Variants in MYOM2 observed in about 807,000 individuals in gnomAD.
The protein encoded by MYOM2 is myomesin-2.
Under a neutral mutation model 187.6 loss-of-function variants are expected in MYOM2, and 254 were observed. The ratio of observed to expected loss-of-function variants is 1.35; its 90% CI spans 1.22 to 1.50. The LOEUF (loss-of-function observed/expected upper bound fraction) is 1.50. MYOM2 is among the 40% of genes most tolerant of loss of function. The probability of loss-of-function intolerance (pLI) is 0.00; values close to 1 mark genes in which losing one functional copy is unlikely to be tolerated. For missense variants in MYOM2, 2,796 were observed against 1,924.0 expected (o/e 1.45, Z -8.48); for synonymous variants, 981 against 753.8 (o/e 1.30, Z -4.94).
At chr8:2,085,544 C>CA (rs1819821763) in intron 14 of MYOM2, among the ~76,000 whole-genome samples, 154 bp downstream of exon 14, 20 of 51,534 alleles carry the variant, frequency 3.9e-4, no homozygotes, top group Admixed American at 7.8e-4. Context: ...TCTGCGTGGC[C>CA]CCACTGTCAT....
At position 2,057,648 on chromosome 8, in the gene MYOM2, G is replaced by A; in HGVS notation, c.428G>A (p.Arg143Lys). The change falls in exon 5 of 37, where the codon AGA becomes AAA. Residue 143 changes from arginine to lysine, a missense_variant. Arg to Lys is a conservative substitution (Grantham distance 26, BLOSUM62 2). Transcript: ENST00000262113. ...QMMEDKLAWE[R>K]HTFEERISRA... ...ATGGAGGACAAGCTGGCCTGGGAGAGACACACATTTGAAGAGCGGATAAGC... is the reference window on the plus strand; with the variant it reads ...ATGGAGGACAAGCTGGCCTGGGAGAAACACACATTTGAAGAGCGGATAAGC... 1 of 1,614,142 alleles carries A rather than the reference G, an allele frequency of 6.2e-7. No individual in the cohort carries two copies. The highest frequency in any genetic ancestry group is 8.5e-7 in the Non-Finnish European group (1 of 1,180,026).
At chr8:2,054,335 A>T (rs761776712) in intron 3 of MYOM2, among the ~76,000 whole-genome samples, 2 of 152,020 alleles carry the variant, frequency 1.3e-5, no homozygotes, top group Non-Finnish European at 2.9e-5. Context: ...CACTCAACAC[A>T]TCCTTCTGGA....
chr8:2,131,604 C>A (rs1380012010), intron 32 of MYOM2, among the ~76,000 whole-genome samples: 1 of 151,718 alleles, frequency 6.6e-6, no homozygotes, highest in Non-Finnish European at 1.5e-5. Flanking sequence ...TTTATCTTCC[C>A]CAAACAAATT....
chr8:2,072,537 C>T, intron 9 of MYOM2, 28 bp downstream of exon 9: 5 of 1,601,652 alleles, frequency 3.1e-6, no homozygotes, highest in Non-Finnish European at 4.3e-6. Context: ...CAGACCCGGG[C>T]ACACACCAGG....
intron 11 of MYOM2, 143 bp downstream of exon 11, chr8:2,076,425 A>C: frequency 8.9e-7 from 1 of 1,122,574 alleles, no homozygotes; most frequent in Non-Finnish European, 1.2e-6. Flanking sequence ...TGGTTGTATA[A>C]GTTCCTATTT....
At chr8:2,094,133 C>T (rs1337906152) in intron 17 of MYOM2, 42 bp downstream of exon 17, 4 of 1,607,626 alleles carry the variant, frequency 2.5e-6, no homozygotes, top group Non-Finnish European at 3.4e-6. Flanking sequence ...TGCTCCCATA[C>T]ACTGTCATTT....
intron 8 of MYOM2, among the ~76,000 whole-genome samples, 166 bp from the exon 9 acceptor site, chr8:2,072,179 C>T (rs997767119): frequency 1.3e-5 from 2 of 152,102 alleles, no homozygotes; most frequent in Admixed American, 1.3e-4. Flanking sequence ...TGCAGTGAGC[C>T]GAGGTCGCAC....
At chr8:2,097,371 T>G (rs1013357730) in intron 18 of MYOM2, among the ~76,000 whole-genome samples, 3 of 152,234 alleles carry the variant, frequency 2.0e-5, no homozygotes, top group African/African-American at 7.2e-5. Context: ...AATTGACAAA[T>G]AATAATTGTA....
At chr8:2,048,799 T>G (rs1341962561) in intron 1 of MYOM2, among the ~76,000 whole-genome samples, 1 of 150,614 alleles carries the variant, frequency 6.6e-6, no homozygotes, top group East Asian at 1.9e-4. Context: ...TTATTTTATT[T>G]TTTTTTTTGA....
rs997100480 is a variant in MYOM2, at chr8:2,129,192, A to C, written c.3760A>C (p.Lys1254Gln). 1.9e-6 allele frequency: 3 copies of C among 1,612,126 alleles called. No individual in the cohort carries two copies. The highest frequency in any genetic ancestry group is 2.5e-6 in the Non-Finnish European group (3 of 1,178,334). Residue 1254 changes from lysine (K) to glutamine (Q), a missense_variant, in exon 32 of 37, where the codon AAG (lysine) becomes CAG (glutamine). Coordinates refer to ENST00000262113, the MANE Select transcript of MYOM2 (RefSeq NM_003970.4). ...AGGAATACGACTTCAGTGTTTCATG[A>C]AGTATTTTACAGACGAAATGAAAGT... is the stretch of plus-strand genomic sequence containing the variant. ...PEGIRLQCFM[K>Q]YFTDEMKVNW...
At chr8:2,112,457 CAG>C (rs1563063843) in intron 25 of MYOM2, among the ~76,000 whole-genome samples, 1 of 151,648 alleles carries the variant, frequency 6.6e-6, no homozygotes, top group Non-Finnish European at 1.5e-5. Context: ...CTCTAGTGCA[CAG>C]AGAGTGGGGA....
intron 1 of MYOM2, among the ~76,000 whole-genome samples, chr8:2,050,384 T>C (rs911950043): frequency 1.3e-5 from 2 of 152,244 alleles, no homozygotes; most frequent in African/African-American, 4.8e-5. Flanking sequence ...TCTTGTATTC[T>C]AAGTGTTTGT....
At position 2,120,265 on chromosome 8, in the gene MYOM2, G is replaced by A. The variant is rs79155601; in HGVS notation, c.3453+2313G>A. Among the ~76,000 whole-genome samples the A allele has an allele frequency of 1.4e-3, 218 of 152,166 alleles. No individual in the cohort carries two copies. The Middle Eastern group carries it at 0.024, about 17-fold the overall frequency. On this transcript the variant is annotated intron_variant, in intron 28 of 36. Transcript: ENST00000262113. ...GAACTTTGGGTCTTGTTTAACTGTC[G>A]TTAGTTGGTCAACCAGCTGTCTAAG... is the stretch of plus-strand genomic sequence containing the variant.
At chr8:2,068,501 C>T (rs1297302881) in intron 6 of MYOM2, among the ~76,000 whole-genome samples, 2 of 150,080 alleles carry the variant, frequency 1.3e-5, no homozygotes, top group Admixed American at 6.6e-5. Context: ...TGCCCGTGTG[C>T]ACCAGGCAGA....
chr8:2,065,895 A>C (rs1381171035), intron 6 of MYOM2, among the ~76,000 whole-genome samples: 2 of 152,206 alleles, frequency 1.3e-5, no homozygotes, highest in Admixed American at 1.3e-4. Context: ...AAAAACGGCT[A>C]AAACACACGG....
chr8:2,083,229 C>A (rs899748481), intron 13 of MYOM2, among the ~76,000 whole-genome samples: 1 of 152,098 alleles, frequency 6.6e-6, no homozygotes, highest in African/African-American at 2.4e-5. Flanking sequence ...TGGCCCAATA[C>A]TCAATTGGGT....
At chr8:2,046,424 G>A (rs913866233) in intron 1 of MYOM2, among the ~76,000 whole-genome samples, 3 of 152,188 alleles carry the variant, frequency 2.0e-5, no homozygotes, top group Non-Finnish European at 2.9e-5. Context: ...TGGGCTGGAC[G>A]CTGTCAGGAG....
intron 36 of MYOM2, among the ~76,000 whole-genome samples, chr8:2,143,880 C>T (rs975146889): frequency 2.0e-5 from 3 of 151,690 alleles, no homozygotes; most frequent in East Asian, 1.9e-4. Context: ...TTTTACAACA[C>T]GAAGGAAAAA....
intron 11 of MYOM2, among the ~76,000 whole-genome samples, chr8:2,077,688 A>T (rs539697100): frequency 6.6e-6 from 1 of 152,052 alleles, no homozygotes; most frequent in African/African-American, 2.4e-5. Context: ...ATGTTGACAA[A>T]AACCATTTCC....
Sources: allele counts gnomAD v4.1 joint callset (sites outside exome capture counted in the v4.1 genomes callset), GRCh38; gene constraint gnomAD v4.1.1; transcripts MANE v1.5; gene names NCBI Gene and HGNC (gene_info 2026-07-23, HGNC 2026-07-21).